Variants in PRDM5 observed in about 807,000 individuals in gnomAD.
The protein encoded by PRDM5 is PR/SET domain 5.
PRDM5 carries 56 observed loss-of-function variants against 81.2 expected under a neutral mutation model. The ratio of observed to expected loss-of-function variants is 0.69; its 90% CI spans 0.56 to 0.86. PRDM5 has a LOEUF of 0.86. Ranked by LOEUF, PRDM5 falls within the 40% of genes least tolerant of loss-of-function variation. The pLI is 0.00. For synonymous variants in PRDM5, 267 were observed against 256.4 expected (o/e 1.04, Z -0.39); for missense variants, 697 against 770.1 (o/e 0.91, Z 1.12).
intron 3 of PRDM5, among the ~76,000 whole-genome samples, chr4:120,821,657 T>G (rs1318699838): frequency 6.6e-6 from 1 of 152,100 alleles, no homozygotes; most frequent in African/African-American, 2.4e-5. Flanking sequence ...TAAATGTAGT[T>G]GTCATGCAAC....
Position 120,785,007 on chromosome 4 carries a change from T to TGTCTCTG in PRDM5, c.1272_1273insCAGAGAC (p.Ile425GlnfsTer5). 1 of 1,594,444 alleles carries TGTCTCTG rather than the reference T, an allele frequency of 6.3e-7. No individual in the cohort carries two copies. ...CTGAATCGTGACTTACTGTTATGTA[T>TGTCTCTG]TAGCAGGTGTCTCTGTAAAGAAAAT... On this transcript the variant is annotated frameshift_variant, in exon 11 of 16. Coordinates refer to ENST00000264808, the MANE Select transcript of PRDM5 (RefSeq NM_018699.4). LOFTEE classifies it high-confidence loss of function.
At position 120,753,741 on chromosome 4, in the gene PRDM5, G is replaced by A. The variant is rs114646582; in HGVS notation, c.1623+812C>T. Among the ~76,000 whole-genome samples the A allele has an allele frequency of 3.3e-3, 499 of 151,896 alleles. 3 individuals carry two copies. The highest frequency in any genetic ancestry group is 0.012 in the African/African-American group (491 of 41,444). On this transcript the variant is annotated intron_variant, in intron 14 of 15. Coordinates refer to ENST00000264808, the MANE Select transcript of PRDM5 (RefSeq NM_018699.4). ...TACATCATTTACATACAGACCATAC[G>A]CACTTTAAAAGGCCAAACTGAAAAG...
chr4:120,877,638 C>T (rs1034455983), intron 2 of PRDM5, among the ~76,000 whole-genome samples: 5 of 152,142 alleles, frequency 3.3e-5, no homozygotes. Context: ...AACCTCGTCT[C>T]TACTAACAAT....
In PRDM5 at chr4:120,808,677, A is replaced by G. The variant is rs369326000; in HGVS notation, c.945+2693T>C. On this transcript the variant is annotated intron_variant, in intron 8 of 15. Coordinates refer to ENST00000264808, the MANE Select transcript of PRDM5 (RefSeq NM_018699.4). ...GGAGCAGGGGGAGGCACTCCTCCTG[A>G]GAGGCTCGGGCTGCACAGGAGCCCA... 7.3e-4 allele frequency among the ~76,000 whole-genome samples: 111 copies of G among 152,216 alleles called. 2 individuals carry two copies. Among genetic ancestry groups the G allele is most frequent in the African/African-American group, 2.6e-3 (108 of 41,554 alleles).
At chr4:120,815,761 A>C (rs1754409572) in intron 7 of PRDM5, among the ~76,000 whole-genome samples, 2 of 152,228 alleles carry the variant, frequency 1.3e-5, no homozygotes, top group Admixed American at 6.5e-5. Context: ...TTAAGGAGGA[A>C]GTCTTTGGAG....
In PRDM5 at chr4:120,876,057, C is replaced by A. The variant is rs1762303715; in HGVS notation, c.178-22517G>T. Among the ~76,000 whole-genome samples, 3 of 152,116 alleles carry A rather than the reference C, an allele frequency of 2.0e-5. 1 individual carries two copies. The highest frequency in any genetic ancestry group is 6.6e-5 in the Admixed American group (1 of 15,266). On this transcript the variant is annotated intron_variant, in intron 2 of 15. Transcript: ENST00000264808. ...TTTGATCATGCACAATTTCGTCTCC[C>A]AGAAACACTAGGTGAATGAAGAAAA...
chr4:120,884,693 G>C (rs1299334222), intron 2 of PRDM5, among the ~76,000 whole-genome samples: 1 of 152,036 alleles, frequency 6.6e-6, no homozygotes, highest in Non-Finnish European at 1.5e-5. Context: ...TTTCATGGGG[G>C]ACACTACTTC....
rs753113187 is a variant in PRDM5, at chr4:120,785,039, C to T, written c.1241G>A (p.Arg414Gln). ...FQCEECKALF[R>Q]TPFSLQRHLL... ...GTGTCTCTGTAAAGAAAATGGGGTC[C>T]GGAACAAAGCTTTACATTCTTCACA... Residue 414 changes from arginine (R) to glutamine (Q), a missense_variant, in exon 11 of 16, where the codon CGG becomes CAG. Physicochemically the swap from Arg to Gln is conservative, Grantham distance 43 (BLOSUM62 1). Coordinates refer to ENST00000264808, the MANE Select transcript of PRDM5 (RefSeq NM_018699.4). 1.2e-5 allele frequency: 19 copies of T among 1,611,464 alleles called. No homozygotes were observed. The highest frequency in any genetic ancestry group is 5.3e-5 in the African/African-American group (4 of 74,790).
chr4:120,760,565 C>A lies in PRDM5; in HGVS notation c.1538-5927G>T, dbSNP rs1745458139. ...TTCATTTAACTAAAGGAAAATAGATCTCTTTCTTTAAATTATGTGTTGACA... is the reference window on the plus strand; with the variant it reads ...TTCATTTAACTAAAGGAAAATAGATATCTTTCTTTAAATTATGTGTTGACA... On this transcript the variant is annotated intron_variant, in intron 13 of 15. Transcript: ENST00000264808. 1.3e-5 allele frequency among the ~76,000 whole-genome samples: 2 copies of A among 152,028 alleles called. 1 individual carries two copies. The highest frequency in any genetic ancestry group is 4.1e-4 in the South Asian group (2 of 4,824).
chr4:120,694,874 C>T lies in PRDM5; in HGVS notation c.*237G>A. 2 of 498,558 alleles carry T rather than the reference C, an allele frequency of 4.0e-6. No homozygotes were observed. The highest frequency in any genetic ancestry group is 4.5e-5 in the South Asian group (2 of 44,884). 30.9% of individuals were successfully genotyped at this position (498,558 alleles called of 1,614,324 possible). ...TTCTCCATTTTTATAAGACAGAGCA[C>T]AAGTTGCATTTTGCAAGGCTATGGA... On this transcript the variant is annotated 3_prime_UTR_variant, in exon 16 of 16. Transcript: ENST00000264808.
rs115017840 is a variant in PRDM5 at position 120,851,966 on chromosome 4, C to A, written c.300+1452G>T. Among the ~76,000 whole-genome samples the A allele has an allele frequency of 2.7e-3, 409 of 152,252 alleles. 2 individuals carry two copies. The highest frequency in any genetic ancestry group is 9.7e-3 in the African/African-American group (403 of 41,552). On this transcript the variant is annotated intron_variant, in intron 3 of 15. Transcript: ENST00000264808. ...GCCAACCATAGCTTTACTTCCTCTT[C>A]TGAAGTTTAGAATCCAGGAAGATGA...
At chr4:120,731,812 C>T (rs1009462646) in intron 14 of PRDM5, 1 of 152,148 alleles carries the variant, frequency 6.6e-6, no homozygotes, top group African/African-American at 2.4e-5. Context: ...AAGCCACATG[C>T]CTGGATGACT....
intron 13 of PRDM5, among the ~76,000 whole-genome samples, chr4:120,765,922 C>T (rs1244642916): frequency 1.3e-5 from 2 of 151,614 alleles, no homozygotes; most frequent in African/African-American, 4.8e-5. Context: ...TCATTTGTTC[C>T]TCAAAACAAC....
In PRDM5 at chr4:120,781,251, AT is replaced by A. The variant is rs1289262583; in HGVS notation, c.1334del (p.Asp445ValfsTer3). On this transcript the variant is annotated frameshift_variant, in exon 12 of 16. Coordinates refer to ENST00000264808, the MANE Select transcript of PRDM5 (RefSeq NM_018699.4). LOFTEE classifies it high-confidence loss of function. The part of the protein sequence containing the change: ...HHCDATFKRK[D>X]TLNVHVQVVH... The stretch of plus-strand genomic sequence containing the variant: ...CCACCTGGACATGAACATTTAATGT[AT>A]CCTTCCTCTTAAAGGTAGCATCGCA... 2 of 1,613,064 alleles carry A rather than the reference AT, an allele frequency of 1.2e-6. No homozygotes were observed. The highest frequency in any genetic ancestry group is 1.7e-6 in the Non-Finnish European group (2 of 1,179,234).
chr4:120,795,980 G>A (rs1028127812), intron 10 of PRDM5, among the ~76,000 whole-genome samples: 1 of 152,076 alleles, frequency 6.6e-6, no homozygotes, highest in African/African-American at 2.4e-5. Flanking sequence ...TATTTTTCAA[G>A]CAAGTCTAAA....
At chr4:120,870,828 A>G (rs976278990) in intron 2 of PRDM5, among the ~76,000 whole-genome samples, 2 of 152,176 alleles carry the variant, frequency 1.3e-5, no homozygotes, top group Admixed American at 6.5e-5. Flanking sequence ...ACAGAGTTTC[A>G]GATTCCTCCT....
At chr4:120,789,649 A>G (rs10006287) in intron 10 of PRDM5, among the ~76,000 whole-genome samples, 8,579 of 152,284 alleles carry the variant, frequency 0.056, 372 homozygotes, top group Middle Eastern at 0.15. Context: ...CACACAATAA[A>G]GCTAAAGCTA....
rs572959341 is a variant in PRDM5 at position 120,896,841 on chromosome 4, G to A, written c.177+10633C>T. On this transcript the variant is annotated intron_variant, in intron 2 of 15. Coordinates refer to ENST00000264808, the MANE Select transcript of PRDM5 (RefSeq NM_018699.4). ...TGGGACTACAGGCACCCGCCACCAC[G>A]CCCGGCTAATTTTTTGTATTTTTAG... Among the ~76,000 whole-genome samples the A allele has an allele frequency of 7.3e-3, 1,108 of 151,898 alleles. 9 individuals carry two copies. The highest frequency in any genetic ancestry group is 0.011 in the African/African-American group (442 of 41,414).
At chr4:120,719,711 G>GA (rs1023790375) in intron 14 of PRDM5, among the ~76,000 whole-genome samples, 17 of 151,012 alleles carry the variant, frequency 1.1e-4, no homozygotes, top group African/African-American at 1.7e-4. Flanking sequence ...GTTATAAATG[G>GA]AAAAAAAAAT....
Sources: gnomAD v4.1 joint callset for allele counts (sites outside exome capture counted in the v4.1 genomes callset) on GRCh38, gnomAD v4.1.1 for gene constraint, MANE v1.5 for transcripts, NCBI Gene and HGNC (gene_info 2026-07-23, HGNC 2026-07-21) for gene names.